The following ACTG1 variants were observed in gnomAD, a reference collection of about 807,000 sequenced individuals.
The protein encoded by ACTG1 is actin gamma 1, also known as actin, cytoplasmic 2.
In ACTG1, 14 loss-of-function variants were observed where a neutral mutation model predicts 34.3. The observed-to-expected ratio is 0.41, with a 90% CI of 0.27 to 0.64. ACTG1 has a LOEUF of 0.64. Among genes scored for constraint, ACTG1 ranks in the 30% least tolerant of loss-of-function variants. The pLI, the probability that ACTG1 is intolerant of heterozygous loss-of-function variation, is 0.33. For missense variants in ACTG1, 233 were observed against 529.5 expected (o/e 0.44, Z 5.50); for synonymous variants, 422 against 213.9 (o/e 1.97, Z -8.49).
chr17:81,511,432 G>A lies in ACTG1; in HGVS notation c.558C>T (p.Thr186=), dbSNP rs142893042. Reference sequence around the variant, plus strand: ...CAGTGAGGATCTTCATGAGGTAGTCGGTCAGGTCCCGGCCAGCCAGGTCCA... The same window carrying A: ...CAGTGAGGATCTTCATGAGGTAGTCAGTCAGGTCCCGGCCAGCCAGGTCCA... ...LRLDLAGRDL[T]DYLMKILTER... Residue 186 remains threonine, a synonymous_variant, in exon 4 of 6, where the codon ACC becomes ACT. Coordinates refer to ENST00000573283, the MANE Select transcript of ACTG1 (RefSeq NM_001614.5). 1,331 of 1,613,892 alleles carry A rather than the reference G, an allele frequency of 8.2e-4. 4 individuals are homozygous for A. The African/African-American group carries it at 0.015, about 18-fold the overall frequency.
chr17:81,510,843 C>CA lies in ACTG1; in HGVS notation c.985-11dup, dbSNP rs781994009. 2 of 1,612,814 alleles carry CA rather than the reference C, an allele frequency of 1.2e-6. No individual in the cohort carries two copies. The highest frequency in any genetic ancestry group is 4.5e-5 in the East Asian group (2 of 44,578). ...CTGGGGGTGCGATGATCTGCAAAGACAGCCAGGCACGGCTTCAGCTCACAG... is the reference window on the plus strand; with the variant it reads ...CTGGGGGTGCGATGATCTGCAAAGACAAGCCAGGCACGGCTTCAGCTCACAG... On this transcript the variant is annotated splice_polypyrimidine_tract_variant and intron_variant, in intron 5 of 5. Transcript: ENST00000573283.
In ACTG1 at chr17:81,511,908, T is replaced by C. The variant is rs202103644; in HGVS notation, c.358A>G (p.Thr120Ala). 6.2e-7 allele frequency: 1 copy of C among 1,613,862 alleles called. No homozygotes were observed. The highest frequency in any genetic ancestry group is 2.2e-5 in the East Asian group (1 of 44,860). ...GGGCGTCGGCCGAGCCTCACCTGAG[T>C]CATCTTCTCTCTGTTGGCCTTGGGG... ...LNPKANREKM[T>A]QIMFETFNTP... The change falls in exon 3 of 6, where the codon ACT (threonine) becomes GCT (alanine). Residue 120 changes from threonine (T) to alanine (A), a missense_variant. Transcript: ENST00000573283.
Position 81,511,510 on chromosome 17 carries a change from G to C in ACTG1, c.480C>G (p.Thr160=). The C allele has an allele frequency of 6.2e-7, 1 of 1,613,854 alleles. No homozygotes were observed. The highest frequency in any genetic ancestry group is 8.5e-7 in the Non-Finnish European group (1 of 1,180,040). The change falls in exon 4 of 6, where the codon ACC becomes ACG. Residue 160 remains threonine, a synonymous_variant. Transcript: ENST00000573283. ...GIVMDSGDGV[T]HTVPIYEGYA... is the part of the protein sequence containing the mutation. Reference sequence around the variant, plus strand: ...AGCCCTCGTAGATGGGCACCGTGTGGGTGACCCCGTCTCCAGAGTCCATGA... The same window carrying C: ...AGCCCTCGTAGATGGGCACCGTGTGCGTGACCCCGTCTCCAGAGTCCATGA...
chr17:81,512,603 G>C lies in ACTG1; in HGVS notation c.-7+131C>G, dbSNP rs369974622. The C allele has an allele frequency of 8.6e-4, 500 of 583,198 alleles. 8 individuals are homozygous for C. Among genetic ancestry groups the C allele is most frequent in the South Asian group, 7.7e-3 (399 of 51,592 alleles). 36.1% of individuals were successfully genotyped at this position (583,198 alleles called of 1,614,324 possible). A position where few individuals can be genotyped will look rare whatever the true frequency, so the allele number is the denominator to read the frequency against. On this transcript the variant is annotated intron_variant, in intron 1 of 5. Transcript: ENST00000573283. Reference sequence around the variant, plus strand: ...GGCGCCCCCCCAGCCCCGTCCGCCTGACCCGGCCCACCCCGCCTTTTGTTC... The same window carrying C: ...GGCGCCCCCCCAGCCCCGTCCGCCTCACCCGGCCCACCCCGCCTTTTGTTC...
rs1367861495 is a variant in ACTG1, at chr17:81,511,573, C to G, written c.417G>C (p.Val139=). Residue 139 remains valine (V), a synonymous_variant, in exon 4 of 6, where the codon GTG becomes GTC. Transcript: ENST00000573283. Reference sequence around the variant, plus strand: ...TGCGCCCAGAGGCGTAGAGGGACAGCACGGCCTGGATGGCCACGTACATGG... The same window carrying G: ...TGCGCCCAGAGGCGTAGAGGGACAGGACGGCCTGGATGGCCACGTACATGG... ...TPAMYVAIQA[V]LSLYASGRTT... The G allele has an allele frequency of 1.2e-6, 2 of 1,613,698 alleles. No homozygotes were observed. Among genetic ancestry groups the G allele is most frequent in the African/African-American group, 2.7e-5 (2 of 74,936 alleles).
rs1598551674 is a variant in ACTG1, at chr17:81,512,364, C to T, written c.-6-4G>A. 1.2e-6 allele frequency: 2 copies of T among 1,613,948 alleles called. No individual in the cohort carries two copies. The highest frequency in any genetic ancestry group is 8.5e-7 in the Non-Finnish European group (1 of 1,179,932). On this transcript the variant is annotated splice_region_variant and splice_polypyrimidine_tract_variant and intron_variant, in intron 1 of 5. Coordinates refer to ENST00000573283, the MANE Select transcript of ACTG1 (RefSeq NM_001614.5). Reference sequence around the variant, plus strand: ...CGATCTCTTCTTCCATTGCGACCTGCCCGGAAAAGGATGGACTCAGGCGGG... The same window carrying T: ...CGATCTCTTCTTCCATTGCGACCTGTCCGGAAAAGGATGGACTCAGGCGGG...
In ACTG1 at chr17:81,510,432, TACTAAAGGTTGA is replaced by T. The variant is rs1217445759; in HGVS notation, c.*246_*257del. 5 of 603,930 alleles carry T rather than the reference TACTAAAGGTTGA, an allele frequency of 8.3e-6. No individual in the cohort carries two copies. The highest frequency in any genetic ancestry group is 9.1e-6 in the Non-Finnish European group (3 of 329,058). The allele number at this position is 603,930 out of a possible 1,614,324, so 37.4% of individuals were successfully genotyped here. On this transcript the variant is annotated 3_prime_UTR_variant, in exon 6 of 6. Transcript: ENST00000573283. ...AGCCACGAAGTGACCAAGCCACACG[TACTAAAGGTTGA>T]ACTCAAAGATATGTACAGGGTATTA...
At position 81,512,376 on chromosome 17, in the gene ACTG1, TG is replaced by T; in HGVS notation, c.-6-17del. 1 of 1,613,830 alleles carries T rather than the reference TG, an allele frequency of 6.2e-7. No individual in the cohort carries two copies. The highest frequency in any genetic ancestry group is 8.5e-7 in the Non-Finnish European group (1 of 1,179,940). On this transcript the variant is annotated splice_polypyrimidine_tract_variant and intron_variant, in intron 1 of 5. Coordinates refer to ENST00000573283, the MANE Select transcript of ACTG1 (RefSeq NM_001614.5). ...CCATTGCGACCTGCCCGGAAAAGGA[TG>T]GACTCAGGCGGGCGCGTCTGTAACA...
Position 81,510,702 on chromosome 17 carries a change from G to A in ACTG1, c.1116C>T (p.Arg372=), listed in dbSNP as rs1555666352. 4 of 1,613,948 alleles carry A rather than the reference G, an allele frequency of 2.5e-6. No individual in the cohort carries two copies. Among genetic ancestry groups the A allele is most frequent in the South Asian group, 2.2e-5 (2 of 91,076 alleles). ...CTGCTGAGTCCGTTTAGAAGCATTT[G>A]CGGTGGACGATGGAGGGGCCCGACT... ...YDESGPSIVH[R]KCF Residue 372 remains arginine, a synonymous_variant, in exon 6 of 6, where the codon CGC becomes CGT. Coordinates refer to ENST00000573283, the MANE Select transcript of ACTG1 (RefSeq NM_001614.5).
At chr17:81,511,704 C>T (rs1336738702) in intron 3 of ACTG1, 78 bp from the exon 4 acceptor site, 1 of 1,534,312 alleles carries the variant, frequency 6.5e-7, no homozygotes, top group South Asian at 1.2e-5. Context: ...CAACATGCTG[C>T]ATGCCAGTGT....
At chr17:81,511,731 A>G (rs1369724897) in intron 3 of ACTG1, 105 bp from the exon 4 acceptor site, 2 of 1,517,196 alleles carry the variant, frequency 1.3e-6, no homozygotes, top group African/African-American at 2.8e-5. Flanking sequence ...TGGAGAAAAG[A>G]AAAGAACGCA....
At position 81,510,978 on chromosome 17, in the gene ACTG1, G is replaced by A. The variant is rs150067150; in HGVS notation, c.933C>T (p.Asp311=). Residue 311 remains aspartate (D), a synonymous_variant, in exon 5 of 6, where the codon GAC becomes GAT. Transcript: ENST00000573283. ...GGTTMYPGIA[D]RMQKEITALA... is the part of the protein sequence containing the mutation. ...GGGCGGTGATCTCCTTCTGCATCCTGTCGGCAATGCCCGGGTACATGGTGG... is the reference window on the plus strand; with the variant it reads ...GGGCGGTGATCTCCTTCTGCATCCTATCGGCAATGCCCGGGTACATGGTGG... 5 of 1,614,104 alleles carry A rather than the reference G, an allele frequency of 3.1e-6. No individual in the cohort carries two copies. The highest frequency in any genetic ancestry group is 4.2e-6 in the Non-Finnish European group (5 of 1,180,016).
Position 81,511,168 on chromosome 17 carries a change from C to G in ACTG1, c.802+20G>C. ...TCACCGAGGATGTAAGAGTAGAAAC[C>G]TTTAGCTCACAACACCTACCCAGGA... On this transcript the variant is annotated intron_variant, in intron 4 of 5. Transcript: ENST00000573283. The G allele has an allele frequency of 2.5e-6, 4 of 1,613,712 alleles. No homozygotes were observed. Among genetic ancestry groups the G allele is most frequent in the Non-Finnish European group, 3.4e-6 (4 of 1,180,034 alleles).
Position 81,511,065 on chromosome 17 carries a change from G to A in ACTG1, c.846C>T (p.Ile282=). The A allele has an allele frequency of 1.2e-6, 2 of 1,614,060 alleles. No homozygotes were observed. The highest frequency in any genetic ancestry group is 1.3e-5 in the African/African-American group (1 of 75,046). The change falls in exon 5 of 6, where the codon ATC becomes ATT. Residue 282 remains isoleucine, a synonymous_variant. Transcript: ENST00000573283. ...TGCGGATGTCCACGTCACACTTCAT[G>A]ATGGAGTTGAAGGTGGTCTCGTGGA... The part of the protein sequence containing the change: ...CGIHETTFNS[I]MKCDVDIRKD...
At position 81,511,107 on chromosome 17, in the gene ACTG1, A is replaced by AC; in HGVS notation, c.803dup (p.Met269TyrfsTer18). 6.2e-7 allele frequency: 1 copy of AC among 1,613,894 alleles called. No homozygotes were observed. Among genetic ancestry groups the AC allele is most frequent in the Non-Finnish European group, 8.5e-7 (1 of 1,180,016 alleles). ...TCTCGTGGATGCCGCAAGATTCCAT[A>AC]CCTAGGGGACAGAGCCCTCCCTTAG... is the stretch of plus-strand genomic sequence containing the variant. On this transcript the variant is annotated frameshift_variant and splice_region_variant, in exon 5 of 6. Coordinates refer to ENST00000573283, the MANE Select transcript of ACTG1 (RefSeq NM_001614.5). LOFTEE classifies it high-confidence loss of function.
At position 81,511,889 on chromosome 17, in the gene ACTG1, C is replaced by T. The variant is rs1555667020; in HGVS notation, c.363+14G>A. On this transcript the variant is annotated intron_variant, in intron 3 of 5. Coordinates refer to ENST00000573283, the MANE Select transcript of ACTG1 (RefSeq NM_001614.5). ...GAAAGGACGGGAGGAGCACGGGCGTCGGCCGAGCCTCACCTGAGTCATCTT... is the reference window on the plus strand; with the variant it reads ...GAAAGGACGGGAGGAGCACGGGCGTTGGCCGAGCCTCACCTGAGTCATCTT... The T allele has an allele frequency of 6.2e-7, 1 of 1,613,912 alleles. No individual in the cohort carries two copies. Among genetic ancestry groups the T allele is most frequent in the African/African-American group, 1.3e-5 (1 of 74,936 alleles).
chr17:81,512,211 C>G, intron 2 of ACTG1, 21 bp downstream of exon 2: 1 of 1,613,438 alleles, frequency 6.2e-7, no homozygotes, highest in Non-Finnish European at 8.5e-7. Flanking sequence ...ACCCAGGAGC[C>G]CCGCGGCGCC....
chr17:81,512,536 C>A (rs1312972087), intron 1 of ACTG1, 176 bp from the exon 2 acceptor site: 3 of 1,062,090 alleles, frequency 2.8e-6, no homozygotes, highest in Non-Finnish European at 4.2e-6. Context: ...ACGTCCACGG[C>A]TCGGAAGTCT....
chr17:81,510,049 A>C lies in ACTG1; in HGVS notation c.*641T>G, dbSNP rs1358157807. 4.4e-6 allele frequency: 2 copies of C among 451,324 alleles called. No individual in the cohort carries two copies. Among genetic ancestry groups the C allele is most frequent in the African/African-American group, 4.0e-5 (2 of 49,656 alleles). 28.0% of individuals were successfully genotyped at this position (451,324 alleles called of 1,614,324 possible). On this transcript the variant is annotated 3_prime_UTR_variant, in exon 6 of 6. Transcript: ENST00000573283. ...CTAATGTTCTCACATAACAGTAGAA[A>C]ACCAAAATTTGTTGTCATCTCTTCA...
Sources: allele counts gnomAD v4.1 joint callset, GRCh38; gene constraint gnomAD v4.1.1; transcripts MANE v1.5; gene names NCBI Gene and HGNC (gene_info 2026-07-23, HGNC 2026-07-21).